Variants in GPR158 observed in about 807,000 individuals in gnomAD.
GPR158 encodes the protein metabotropic glycine receptor.
Under a neutral mutation model 78.2 loss-of-function variants are expected in GPR158, and 30 were observed. That is an observed-to-expected ratio of 0.38 (90% CI 0.29 to 0.52). The LOEUF is 0.52. Among genes scored for constraint, GPR158 ranks in the 20% least tolerant of loss-of-function variants. The pLI is 0.83. For missense variants in GPR158, 1,463 were observed against 1,523.5 expected, an observed-to-expected ratio of 0.96 and a Z score of 0.66; for synonymous variants, 581 against 591.1, an observed-to-expected ratio of 0.98 and a Z score of 0.25.
chr10:25,247,392 G>A (rs184557591), intron 2 of GPR158, among the ~76,000 whole-genome samples: 3,058 of 141,498 alleles, frequency 0.022, 104 homozygotes, highest in African/African-American at 0.067. Context: ...GTATACATGT[G>A]CCATGCTGGT....
At chr10:25,224,430 T>C (rs1853344858) in intron 2 of GPR158, among the ~76,000 whole-genome samples, 2 of 151,656 alleles carry the variant, frequency 1.3e-5, no homozygotes, top group East Asian at 3.9e-4. Flanking sequence ...ATGTTAAGTA[T>C]ATTATAAATC....
chr10:25,352,733 TCA>T (rs1356349895), intron 2 of GPR158, among the ~76,000 whole-genome samples: 1 of 152,070 alleles, frequency 6.6e-6, no homozygotes, highest in Non-Finnish European at 1.5e-5. Context: ...TGATATAATT[TCA>T]CAGTTTGTTT....
chr10:25,205,759 A>G (rs1853017714), intron 1 of GPR158, among the ~76,000 whole-genome samples: 1 of 151,434 alleles, frequency 6.6e-6, no homozygotes, highest in Non-Finnish European at 1.5e-5. Context: ...TCTTGGTATT[A>G]ATTTCTCTTT....
intron 2 of GPR158, among the ~76,000 whole-genome samples, chr10:25,323,519 C>G (rs1227997259): frequency 6.7e-6 from 1 of 149,940 alleles, no homozygotes; most frequent in African/African-American, 2.5e-5. Context: ...TATCAATTAT[C>G]TTAGGTAGAT....
intron 5 of GPR158, among the ~76,000 whole-genome samples, chr10:25,489,016 T>C (rs765553904): frequency 1.9e-4 from 29 of 152,268 alleles, no homozygotes; most frequent in Non-Finnish European, 3.8e-4. Flanking sequence ...ATAATATTTA[T>C]ACAAATTGCT....
intron 2 of GPR158, among the ~76,000 whole-genome samples, chr10:25,320,152 T>C (rs781665289): frequency 2.6e-5 from 4 of 152,194 alleles, no homozygotes; most frequent in Non-Finnish European, 4.4e-5. Context: ...TCCTGAGATA[T>C]CTTTATATGT....
chr10:25,587,710 G>A (rs550099566), intron 7 of GPR158, among the ~76,000 whole-genome samples: 5 of 152,258 alleles, frequency 3.3e-5, no homozygotes, highest in African/African-American at 9.6e-5. Context: ...TGGAGAGTTT[G>A]GAGTGACATT....
chr10:25,586,338 G>T (rs545511784), intron 7 of GPR158, among the ~76,000 whole-genome samples: 1 of 151,524 alleles, frequency 6.6e-6, no homozygotes, highest in African/African-American at 2.4e-5. Flanking sequence ...AAGGCCATAA[G>T]GTCTTCCTTT....
intron 2 of GPR158, among the ~76,000 whole-genome samples, chr10:25,319,679 G>A (rs912222723): frequency 2.6e-5 from 4 of 152,116 alleles, no homozygotes; most frequent in Non-Finnish European, 4.4e-5. Flanking sequence ...TGCTGGTTGA[G>A]AAATTTTTTC....
intron 1 of GPR158, 89 bp from the exon 2 acceptor site, chr10:25,220,963 T>C: frequency 1.2e-6 from 1 of 800,498 alleles, no homozygotes; most frequent in Non-Finnish European, 2.0e-6. Context: ...GCATGTTCTT[T>C]ATGATAATTT....
chr10:25,407,325 G>A (rs1453666449), intron 3 of GPR158, among the ~76,000 whole-genome samples: 1 of 152,192 alleles, frequency 6.6e-6, no homozygotes, highest in African/African-American at 2.4e-5. Context: ...AGAGTTTGGG[G>A]ATAATTAAGA....
Position 25,517,583 on chromosome 10 carries a change from G to A in GPR158, c.1405-33393G>A, listed in dbSNP as rs200379282. Among the ~76,000 whole-genome samples the A allele has an allele frequency of 5.5e-4, 83 of 151,830 alleles. No individual in the cohort carries two copies. The East Asian group carries it at 0.01, about 19-fold the overall frequency. ...TTTATTGAGAGTTTTTAGCATGAAGGGTTGTTGAATTTTGTCAAAGGCCTT... is the reference window on the plus strand; with the variant it reads ...TTTATTGAGAGTTTTTAGCATGAAGAGTTGTTGAATTTTGTCAAAGGCCTT... On this transcript the variant is annotated intron_variant, in intron 5 of 10. Transcript: ENST00000376351.
intron 2 of GPR158, among the ~76,000 whole-genome samples, chr10:25,233,502 C>T (rs1257447596): frequency 2.0e-5 from 3 of 152,136 alleles, no homozygotes; most frequent in Non-Finnish European, 4.4e-5. Context: ...AGGCTTGGCC[C>T]CATTGCAATT....
Position 25,589,065 on chromosome 10 carries a change from A to C in GPR158, c.1812A>C (p.Pro604=). 6.2e-7 allele frequency: 1 copy of C among 1,612,448 alleles called. No homozygotes were observed. The highest frequency in any genetic ancestry group is 8.5e-7 in the Non-Finnish European group (1 of 1,178,666). ...TCTGCTATGCAGTGCGGACAGTCCC[A>C]TCGGCATTCCATGAGCCCCGCTATA... The part of the protein sequence containing the change: ...VYLCYAVRTV[P]SAFHEPRYMA... The change falls in exon 8 of 11, where the codon CCA becomes CCC. Residue 604 remains proline (P), a synonymous_variant. Coordinates refer to ENST00000376351, the MANE Select transcript of GPR158 (RefSeq NM_020752.3).
chr10:25,542,920 T>G lies in GPR158; in HGVS notation c.1405-8056T>G, dbSNP rs150385954. Among the ~76,000 whole-genome samples the G allele has an allele frequency of 1.7e-3, 263 of 151,838 alleles. 12 individuals carry two copies. In the South Asian group the frequency reaches 0.048, roughly 28 times the overall value. On this transcript the variant is annotated intron_variant, in intron 5 of 10. Transcript: ENST00000376351. ...TTCTCTATTTCTCCCCTCTTAGCTG[T>G]GTTCAGTAGCCTAAGAGTCCAGGCA... is the stretch of plus-strand genomic sequence containing the variant.
chr10:25,441,612 A>C (rs1835069523), intron 4 of GPR158, among the ~76,000 whole-genome samples: 3 of 152,218 alleles, frequency 2.0e-5, no homozygotes, highest in African/African-American at 7.2e-5. Flanking sequence ...GACCTTAAGA[A>C]GAAGAGTTTC....
chr10:25,468,702 G>A (rs1305400249), intron 5 of GPR158, among the ~76,000 whole-genome samples: 1 of 152,204 alleles, frequency 6.6e-6, no homozygotes, highest in Non-Finnish European at 1.5e-5. Flanking sequence ...CCAGTAACAT[G>A]TCTGAAACCA....
chr10:25,412,126 T>C, intron 3 of GPR158, 124 bp from the exon 4 acceptor site: 1 of 695,700 alleles, frequency 1.4e-6, no homozygotes, highest in South Asian at 1.8e-5. Context: ...AGCAAGAGGG[T>C]TGACAAAAGG....
Position 25,371,031 on chromosome 10 carries a change from C to A in GPR158, c.1009-24880C>A, listed in dbSNP as rs554346353. Among the ~76,000 whole-genome samples the A allele has an allele frequency of 6.2e-4, 91 of 146,686 alleles. 1 individual carries two copies. In the South Asian group the frequency reaches 0.02, roughly 32 times the overall value. ...TTTTCCATTGGCTTGGTAGATCTTC[C>A]TCCATCCTTTTATTTTGAGCCTATG... On this transcript the variant is annotated intron_variant, in intron 2 of 10. Coordinates refer to ENST00000376351, the MANE Select transcript of GPR158 (RefSeq NM_020752.3).
Sources: allele counts gnomAD v4.1 joint callset (sites outside exome capture counted in the v4.1 genomes callset), GRCh38; gene constraint gnomAD v4.1.1; transcripts MANE v1.5; gene names NCBI Gene and HGNC (gene_info 2026-07-23, HGNC 2026-07-21).